Variants in FUT9 observed in about 807,000 individuals in gnomAD.
FUT9 encodes 4-galactosyl-N-acetylglucosaminide 3-alpha-L-fucosyltransferase 9.
Under a neutral mutation model 29.7 loss-of-function variants are expected in FUT9, and 15 were observed. That is an observed-to-expected ratio of 0.51 (90% confidence interval 0.34 to 0.78). FUT9 has a LOEUF of 0.78. Ranked by LOEUF, FUT9 falls within the 30% of genes least tolerant of loss-of-function variation. The pLI, the probability that FUT9 is intolerant of heterozygous loss-of-function variation, is 0.01. For synonymous variants in FUT9, 169 were observed against 153.7 expected (o/e 1.10, Z -0.74); for missense variants, 319 against 425.4 (o/e 0.75, Z 2.20).
At chr6:96,042,768 A>C (rs1246811570) in intron 1 of FUT9, among the ~76,000 whole-genome samples, 1 of 152,172 alleles carries the variant, frequency 6.6e-6, no homozygotes, top group Non-Finnish European at 1.5e-5. Context: ...GTATTAACCC[A>C]TTGAATTCTC....
At chr6:96,106,557 C>T (rs1771690177) in intron 1 of FUT9, among the ~76,000 whole-genome samples, 1 of 152,136 alleles carries the variant, frequency 6.6e-6, no homozygotes, top group Admixed American at 6.6e-5. Context: ...TACCTCTTAT[C>T]TCCTATCTTC....
At chr6:96,111,392 T>G (rs1771803625) in intron 1 of FUT9, among the ~76,000 whole-genome samples, 1 of 152,072 alleles carries the variant, frequency 6.6e-6, no homozygotes, top group Admixed American at 6.6e-5. Context: ...ATTTTCTCCC[T>G]ATACATAATA....
chr6:96,066,411 T>C (rs1237570878), intron 1 of FUT9, among the ~76,000 whole-genome samples: 1 of 152,072 alleles, frequency 6.6e-6, no homozygotes, highest in Non-Finnish European at 1.5e-5. Flanking sequence ...CTAACAAGTA[T>C]ACTGATTGCT....
intron 2 of FUT9, among the ~76,000 whole-genome samples, chr6:96,195,184 TGAAG>T (rs1312198675): frequency 2.0e-5 from 3 of 151,820 alleles, no homozygotes; most frequent in Non-Finnish European, 2.9e-5. Flanking sequence ...GAGGCAAAAA[TGAAG>T]GAAGAAGAAA....
At chr6:96,047,000 G>T (rs902343833) in intron 1 of FUT9, among the ~76,000 whole-genome samples, 5 of 152,168 alleles carry the variant, frequency 3.3e-5, no homozygotes, top group African/African-American at 1.2e-4. Flanking sequence ...CTCTGAAACT[G>T]TACACTTTCT....
intron 2 of FUT9, among the ~76,000 whole-genome samples, chr6:96,169,816 T>G (rs1175730765): frequency 6.6e-6 from 1 of 152,084 alleles, no homozygotes; most frequent in African/African-American, 2.4e-5. Context: ...AAGAAATAAT[T>G]TTTCTCCTTT....
At chr6:96,188,979 T>C (rs1773455329) in intron 2 of FUT9, among the ~76,000 whole-genome samples, 1 of 152,058 alleles carries the variant, frequency 6.6e-6, no homozygotes, top group Non-Finnish European at 1.5e-5. Flanking sequence ...ACAACATTAA[T>C]CGTATACTCA....
chr6:96,025,495 T>C (rs1325065), intron 1 of FUT9, among the ~76,000 whole-genome samples: 112,284 of 151,534 alleles, frequency 0.74, 41,826 homozygotes, highest in Admixed American at 0.82. Context: ...TTCAACATTC[T>C]TGGATGAGTG....
intron 1 of FUT9, among the ~76,000 whole-genome samples, chr6:96,039,735 AGAG>A (rs895431876): frequency 2.0e-5 from 3 of 152,168 alleles, no homozygotes; most frequent in Non-Finnish European, 2.9e-5. Context: ...GTAAGATAGC[AGAG>A]GACAGAGACC....
intron 1 of FUT9, among the ~76,000 whole-genome samples, chr6:96,076,006 A>G (rs1771137349): frequency 6.6e-6 from 1 of 152,092 alleles, no homozygotes; most frequent in South Asian, 2.1e-4. Flanking sequence ...TGTCCAGACT[A>G]TGTCACCAGC....
Position 96,088,577 on chromosome 6 carries a change from C to T in FUT9, c.-97-25462C>T, listed in dbSNP as rs540799438. Among the ~76,000 whole-genome samples, 14 of 150,488 alleles carry T rather than the reference C, an allele frequency of 9.3e-5. No individual in the cohort carries two copies. The South Asian group carries it at 1.3e-3, about 13-fold the overall frequency. Reference sequence around the variant, plus strand: ...GTGTGTGTGTGTGTGTGCGTGCGCGCGCGTGCTCCATATTGGATAGTTTCT... The same window carrying T: ...GTGTGTGTGTGTGTGTGCGTGCGCGTGCGTGCTCCATATTGGATAGTTTCT... On this transcript the variant is annotated intron_variant, in intron 1 of 2. Coordinates refer to ENST00000302103, the MANE Select transcript of FUT9 (RefSeq NM_006581.4).
At chr6:96,133,174 C>T (rs1001335262) in intron 2 of FUT9, among the ~76,000 whole-genome samples, 1 of 151,712 alleles carries the variant, frequency 6.6e-6, no homozygotes, top group African/African-American at 2.4e-5. Context: ...AAGGTATGGA[C>T]CATTTGTATG....
In FUT9 at chr6:96,211,165, T is replaced by C. The variant is rs1773929363; in HGVS notation, c.*6930T>C. 6.0e-6 allele frequency: 1 copy of C among 166,790 alleles called. No homozygotes were observed. Among genetic ancestry groups the C allele is most frequent in the South Asian group, 2.1e-4 (1 of 4,836 alleles). The allele number at this position is 166,790 out of a possible 1,614,324, so 10.3% of individuals were successfully genotyped here. On this transcript the variant is annotated 3_prime_UTR_variant, in exon 3 of 3. Coordinates refer to ENST00000302103, the MANE Select transcript of FUT9 (RefSeq NM_006581.4). ...TGGAAGCATATATTCATGTTTCCCA[T>C]AATTACTAAGTTACGGAAGGGGTGT... is the stretch of plus-strand genomic sequence containing the variant.
At chr6:96,058,079 G>C (rs1000101632) in intron 1 of FUT9, among the ~76,000 whole-genome samples, 1 of 151,966 alleles carries the variant, frequency 6.6e-6, no homozygotes, top group Admixed American at 6.6e-5. Flanking sequence ...TTTTTATAAC[G>C]GGTCAATAGC....
intron 2 of FUT9, among the ~76,000 whole-genome samples, chr6:96,131,058 C>G (rs1772234496): frequency 6.6e-6 from 1 of 152,064 alleles, no homozygotes; most frequent in South Asian, 2.1e-4. Flanking sequence ...TTGTTATGTG[C>G]AGGACCCACT....
chr6:96,197,136 T>C (rs1191742954), intron 2 of FUT9, among the ~76,000 whole-genome samples: 1 of 152,084 alleles, frequency 6.6e-6, no homozygotes, highest in African/African-American at 2.4e-5. Flanking sequence ...TAGAAACAAA[T>C]GTCTGAGGCA....
At chr6:96,127,129 T>C (rs1375058035) in intron 2 of FUT9, among the ~76,000 whole-genome samples, 1 of 152,180 alleles carries the variant, frequency 6.6e-6, no homozygotes, top group Non-Finnish European at 1.5e-5. Flanking sequence ...GATTATTTCT[T>C]TACCTAAGTA....
At chr6:96,139,377 G>A (rs1772418339) in intron 2 of FUT9, among the ~76,000 whole-genome samples, 1 of 152,162 alleles carries the variant, frequency 6.6e-6, no homozygotes, top group African/African-American at 2.4e-5. Context: ...CCTCCTGGCT[G>A]TTTTCATGCT....
chr6:96,129,264 CAAAAAAAA>C (rs869216525), intron 2 of FUT9, among the ~76,000 whole-genome samples: 8 of 13,326 alleles, frequency 6.0e-4, no homozygotes, highest in South Asian at 5.4e-3. Flanking sequence ...GACTCTGTCT[CAAAAAAAA>C]AAAAAAAAAA....
Sources: allele counts gnomAD v4.1 joint callset (sites outside exome capture counted in the v4.1 genomes callset), GRCh38; gene constraint gnomAD v4.1.1; transcripts MANE v1.5; gene names NCBI Gene and HGNC (gene_info 2026-07-23, HGNC 2026-07-21).